The following CEP350 variants were observed in gnomAD, a reference collection of about 807,000 sequenced individuals.
The protein encoded by CEP350 is centrosome-associated protein 350.
Under a neutral mutation model 331.8 loss-of-function variants are expected in CEP350, and 126 were observed. The ratio of observed to expected loss-of-function variants is 0.38; its 90% CI spans 0.33 to 0.44. The LOEUF is 0.44. Ranked by LOEUF, CEP350 falls within the 20% of genes least tolerant of loss-of-function variation. The pLI is 1.00. For synonymous variants in CEP350, 1,200 were observed against 1,259.5 expected, an observed-to-expected ratio of 0.95 and a Z score of 1.00; for missense variants, 3,406 against 3,634.6, an observed-to-expected ratio of 0.94 and a Z score of 1.62.
At chr1:180,063,210 A>C (rs1304156771) in intron 26 of CEP350, among the ~76,000 whole-genome samples, 1 of 64,812 alleles carries the variant, frequency 1.5e-5, no homozygotes, top group African/African-American at 5.2e-5. Context: ...TTTTTTTTGG[A>C]GACACGGTCT....
intron 8 of CEP350, among the ~76,000 whole-genome samples, chr1:180,010,322 A>G (rs1035226248): frequency 6.7e-6 from 1 of 150,138 alleles, no homozygotes; most frequent in African/African-American, 2.4e-5. Flanking sequence ...GATTATTTAT[A>G]TTGTATAAAT....
At chr1:180,108,817 A>G (rs1326780643) in intron 37 of CEP350, among the ~76,000 whole-genome samples, 1 of 152,208 alleles carries the variant, frequency 6.6e-6, no homozygotes, top group Non-Finnish European at 1.5e-5. Context: ...GCTTAAGTAC[A>G]ATGTAACTCT....
At chr1:180,001,279 GAC>G (rs1653852010) in intron 6 of CEP350, among the ~76,000 whole-genome samples, 1 of 151,962 alleles carries the variant, frequency 6.6e-6, no homozygotes, top group African/African-American at 2.4e-5. Flanking sequence ...TATTTTTTGA[GAC>G]AGAGTCTCAG....
intron 31 of CEP350, chr1:180,087,276 T>C (rs1053063798): frequency 2.2e-5 from 4 of 183,246 alleles, no homozygotes; most frequent in African/African-American, 9.5e-5. Flanking sequence ...AAGAAGTTTT[T>C]TAATGTGGCA....
At position 180,065,174 on chromosome 1, in the gene CEP350, C is replaced by A. The variant is rs1234498221; in HGVS notation, c.5469C>A (p.Asp1823Glu). Reference protein sequence around the residue: ...DNKATSPGPTDLETRSPSPIS... With the variant: ...DNKATSPGPTELETRSPSPIS... The stretch of plus-strand genomic sequence containing the variant: ...AGGCAACCAGTCCTGGTCCAACTGA[C>A]TTGGAGACCCGCAGTCCTTCTCCCA... Residue 1823 changes from aspartate (D) to glutamate (E), a missense_variant, in exon 27 of 38, where the codon GAC becomes GAA. This residue lies in a region of CEP350 where 1,415 missense variants were observed against 1,512.3 expected (regional missense o/e 0.94). Coordinates refer to ENST00000367607, the MANE Select transcript of CEP350 (RefSeq NM_014810.5). 2 of 1,613,668 alleles carry A rather than the reference C, an allele frequency of 1.2e-6. No individual in the cohort carries two copies. Among genetic ancestry groups the A allele is most frequent in the Admixed American group, 3.3e-5 (2 of 59,966 alleles).
At chr1:179,961,308 C>T (rs1041294917) in intron 1 of CEP350, among the ~76,000 whole-genome samples, 4 of 151,948 alleles carry the variant, frequency 2.6e-5, no homozygotes, top group African/African-American at 4.8e-5. Context: ...ATTAGCTCGG[C>T]GTGGTGGCGC....
chr1:180,007,679 C>G (rs532926427), intron 8 of CEP350, among the ~76,000 whole-genome samples: 3 of 151,972 alleles, frequency 2.0e-5, no homozygotes, highest in Non-Finnish European at 4.4e-5. Flanking sequence ...AGTCTTTGCC[C>G]GTGCCTATGT....
At chr1:180,045,757 A>G (rs544039087) in intron 21 of CEP350, among the ~76,000 whole-genome samples, 23 of 152,174 alleles carry the variant, frequency 1.5e-4, no homozygotes, top group African/African-American at 5.3e-4. Flanking sequence ...TTTCTAGCCA[A>G]TTTGGTTATT....
At chr1:180,042,330 G>A (rs1433580446) in intron 19 of CEP350, among the ~76,000 whole-genome samples, 1 of 152,070 alleles carries the variant, frequency 6.6e-6, no homozygotes, top group African/African-American at 2.4e-5. Flanking sequence ...CTTCTATAAC[G>A]TGGGTATAGC....
chr1:180,114,530 C>T lies in CEP350; in HGVS notation c.*3369C>T, dbSNP rs1234207578. ...AAGGAGGTACTGTCATTTTAATTAA[C>T]CTATGTTTAATAGCTTTTCCTTCTG... On this transcript the variant is annotated 3_prime_UTR_variant, in exon 38 of 38. Coordinates refer to ENST00000367607, the MANE Select transcript of CEP350 (RefSeq NM_014810.5). 1 of 152,538 alleles carries T rather than the reference C, an allele frequency of 6.6e-6. No individual in the cohort carries two copies. Among genetic ancestry groups the T allele is most frequent in the Non-Finnish European group, 1.5e-5 (1 of 68,024 alleles). 9.4% of individuals were successfully genotyped at this position (152,538 alleles called of 1,614,324 possible). A position where few individuals can be genotyped will look rare whatever the true frequency, so the allele number is the denominator to read the frequency against.
At chr1:180,026,267 T>G (rs1655665506) in intron 14 of CEP350, among the ~76,000 whole-genome samples, 1 of 146,396 alleles carries the variant, frequency 6.8e-6, no homozygotes, top group Admixed American at 6.8e-5. Context: ...TGAGACTCTG[T>G]GTCAAAAAAA....
At chr1:179,994,397 C>G (rs1289951412) in intron 5 of CEP350, among the ~76,000 whole-genome samples, 1 of 151,542 alleles carries the variant, frequency 6.6e-6, no homozygotes, top group Admixed American at 6.6e-5. Flanking sequence ...CTGATGGTAG[C>G]TACAGGACTC....
chr1:179,973,839 C>T (rs749752089), intron 1 of CEP350, among the ~76,000 whole-genome samples: 4 of 151,384 alleles, frequency 2.6e-5, no homozygotes, highest in Non-Finnish European at 4.4e-5. Context: ...ATTTCTTTTT[C>T]TCCCCCTCAT....
At chr1:179,957,797 C>A (rs1412270660) in intron 1 of CEP350, among the ~76,000 whole-genome samples, 2 of 151,958 alleles carry the variant, frequency 1.3e-5, no homozygotes, top group East Asian at 3.9e-4. Context: ...TAATGATTTG[C>A]CTAGGTGCTC....
Position 179,979,907 on chromosome 1 carries a change from G to T in CEP350, c.-13-6262G>T, listed in dbSNP as rs116726242. Among the ~76,000 whole-genome samples, 909 of 152,006 alleles carry T rather than the reference G, an allele frequency of 6.0e-3. 11 individuals are homozygous for T. The highest frequency in any genetic ancestry group is 0.021 in the African/African-American group (869 of 41,512). On this transcript the variant is annotated intron_variant, in intron 1 of 37. Transcript: ENST00000367607. ...ATTGGTCTATATGTCTGATTTTATG[G>T]CAGTACTATGCTGTTTTGGTTACTG...
At chr1:180,019,143 C>T (rs190581411) in intron 11 of CEP350, among the ~76,000 whole-genome samples, 9 of 152,266 alleles carry the variant, frequency 5.9e-5, no homozygotes, top group African/African-American at 1.9e-4. Flanking sequence ...AGGCATCAGC[C>T]GCTGTTCCTG....
chr1:180,018,163 G>C (rs920186377), intron 11 of CEP350, among the ~76,000 whole-genome samples: 1 of 151,988 alleles, frequency 6.6e-6, no homozygotes, highest in Non-Finnish European at 1.5e-5. Flanking sequence ...GCACCACCAC[G>C]CCTGGCTAAT....
rs1435616472 is a variant in CEP350 at position 180,016,695 on chromosome 1, T to A, written c.2174+725T>A. Among the ~76,000 whole-genome samples, 2 of 135,722 alleles carry A rather than the reference T, an allele frequency of 1.5e-5. 1 individual carries two copies. The highest frequency in any genetic ancestry group is 1.7e-4 in the Admixed American group (2 of 11,932). The allele number at this position is 135,722 out of a possible 152,430, so 89.0% of individuals were successfully genotyped here. Reference sequence around the variant, plus strand: ...TTTTTTTTTGGAGACAGGGTTTCACTCTCTTGCCCAGATTGGAGTGCAGTG... The same window carrying A: ...TTTTTTTTTGGAGACAGGGTTTCACACTCTTGCCCAGATTGGAGTGCAGTG... On this transcript the variant is annotated intron_variant, in intron 11 of 37. Coordinates refer to ENST00000367607, the MANE Select transcript of CEP350 (RefSeq NM_014810.5).
In CEP350 at chr1:180,033,739, C is replaced by T. The variant is rs543385922; in HGVS notation, c.3726-123C>T. Reference sequence around the variant, plus strand: ...AGTGATTATATTAATGAATAAATGCCTAAATCACAACTTTTTAAAGCTAAT... The same window carrying T: ...AGTGATTATATTAATGAATAAATGCTTAAATCACAACTTTTTAAAGCTAAT... On this transcript the variant is annotated intron_variant, in intron 15 of 37. Transcript: ENST00000367607. 2.5e-5 allele frequency: 24 copies of T among 967,982 alleles called. No individual in the cohort carries two copies. The South Asian group carries it at 3.9e-4, about 16-fold the overall frequency. 60.0% of individuals were successfully genotyped at this position (967,982 alleles called of 1,614,324 possible).
Sources: allele counts gnomAD v4.1 joint callset (sites outside exome capture counted in the v4.1 genomes callset), GRCh38; gene constraint gnomAD v4.1.1; regional missense constraint gnomAD v4.1.1; transcripts MANE v1.5; gene names NCBI Gene and HGNC (gene_info 2026-07-23, HGNC 2026-07-21).